XIRP2: variants seen among roughly 807,000 people sequenced by gnomAD.
XIRP2 encodes xin actin binding repeat containing 2.
A neutral mutation model predicts 277.0 loss-of-function variants in XIRP2; 236 were observed. The observed-to-expected ratio is 0.85, with a 90% CI of 0.77 to 0.95. The LOEUF is 0.95. Among genes scored for constraint, XIRP2 ranks in the 40% least tolerant of loss-of-function variants. The probability of loss-of-function intolerance (pLI) is 0.00; values close to 1 mark genes in which losing one functional copy is unlikely to be tolerated. For missense variants in XIRP2, 4,640 were observed against 4,157.5 expected (o/e 1.12, Z -3.19); for synonymous variants, 1,490 against 1,416.5 (o/e 1.05, Z -1.17).
intron 2 of XIRP2, among the ~76,000 whole-genome samples, chr2:166,925,730 G>A (rs1479110593): frequency 6.6e-6 from 1 of 150,706 alleles, no homozygotes; most frequent in Non-Finnish European, 1.5e-5. Context: ...AGGGTGATAG[G>A]CACAGGGGCA....
chr2:166,940,352 C>CT (rs1421368727), intron 2 of XIRP2, among the ~76,000 whole-genome samples: 3 of 152,252 alleles, frequency 2.0e-5, no homozygotes, highest in South Asian at 4.2e-4. Flanking sequence ...TTCATCTAAT[C>CT]TTTTTTCAAG....
chr2:167,102,148 G>A (rs1300913474), intron 2 of XIRP2, among the ~76,000 whole-genome samples: 3 of 152,198 alleles, frequency 2.0e-5, no homozygotes, highest in African/African-American at 7.2e-5. Flanking sequence ...TTGAAGATTG[G>A]TGATGGCTGC....
chr2:167,125,267 T>C (rs935031746), intron 2 of XIRP2, among the ~76,000 whole-genome samples: 10 of 152,164 alleles, frequency 6.6e-5, no homozygotes, highest in African/African-American at 2.4e-4. Flanking sequence ...GTACCTGCCA[T>C]GTAAAAGGCA....
At position 166,910,415 on chromosome 2, in the gene XIRP2, A is replaced by G. The variant is rs189137879; in HGVS notation, c.408+6525A>G. On this transcript the variant is annotated intron_variant, in intron 2 of 10. Transcript: ENST00000409195. ...TTATTTGCATAGAGGTGTTTATAGTATTCTCTGATGGTATTTTGTATTTCT... is the reference window on the plus strand; with the variant it reads ...TTATTTGCATAGAGGTGTTTATAGTGTTCTCTGATGGTATTTTGTATTTCT... Among the ~76,000 whole-genome samples, 736 of 152,248 alleles carry G rather than the reference A, an allele frequency of 4.8e-3. 4 individuals carry two copies. The highest frequency in any genetic ancestry group is 0.017 in the African/African-American group (687 of 41,546).
intron 5 of XIRP2, among the ~76,000 whole-genome samples, chr2:167,230,660 C>T (rs1694722956): frequency 6.6e-6 from 1 of 151,986 alleles, no homozygotes; most frequent in Non-Finnish European, 1.5e-5. Flanking sequence ...AGCATTCTTC[C>T]CTAAACCACT....
At chr2:167,065,278 T>C (rs1272101200) in intron 2 of XIRP2, among the ~76,000 whole-genome samples, 1 of 151,942 alleles carries the variant, frequency 6.6e-6, no homozygotes, top group Non-Finnish European at 1.5e-5. Context: ...TTTTCCATGG[T>C]TCATTGGCCA....
At chr2:167,252,910 GGC>G (rs1361309167) in intron 9 of XIRP2, among the ~76,000 whole-genome samples, 2 of 151,850 alleles carry the variant, frequency 1.3e-5, no homozygotes, top group Admixed American at 1.3e-4. Flanking sequence ...GCTTGCTTCT[GGC>G]ATAATTAAGC....
chr2:167,191,133 C>T (rs1693317722), intron 3 of XIRP2, among the ~76,000 whole-genome samples: 1 of 149,424 alleles, frequency 6.7e-6, no homozygotes, highest in Non-Finnish European at 1.5e-5. Flanking sequence ...CTGCGATAAA[C>T]CATGATCGTG....
intron 5 of XIRP2, among the ~76,000 whole-genome samples, chr2:167,238,343 C>T (rs1232987843): frequency 1.3e-5 from 2 of 152,012 alleles, no homozygotes; most frequent in Non-Finnish European, 2.9e-5. Context: ...TACATTTAAA[C>T]GTGTAAGTCC....
At chr2:167,130,019 T>C (rs1293948286) in intron 2 of XIRP2, among the ~76,000 whole-genome samples, 1 of 152,168 alleles carries the variant, frequency 6.6e-6, no homozygotes. Context: ...TATTTACATA[T>C]TATTTAAGCG....
At chr2:167,107,543 A>G (rs556960856) in intron 2 of XIRP2, among the ~76,000 whole-genome samples, 2 of 151,812 alleles carry the variant, frequency 1.3e-5, no homozygotes, top group South Asian at 4.1e-4. Flanking sequence ...CTTCTCTATA[A>G]TAAGTCTTAA....
In XIRP2 at chr2:167,247,866, C is replaced by T. The variant is rs374073410; in HGVS notation, c.6474C>T (p.Ser2158=). 198 of 1,613,558 alleles carry T rather than the reference C, an allele frequency of 1.2e-4. No individual in the cohort carries two copies. The highest frequency in any genetic ancestry group is 1.6e-4 in the Non-Finnish European group (183 of 1,179,750). The change falls in exon 9 of 11, where the codon AGC becomes AGT. Residue 2158 remains serine, a synonymous_variant. Transcript: ENST00000409195. ...KNIKILTDTQ[S]SKPSPTQHPV... ...TTAAAATATTAACTGATACACAAAG[C>T]TCCAAGCCCAGTCCCACCCAGCATC...
At chr2:167,232,229 A>T (rs1294961931) in intron 5 of XIRP2, among the ~76,000 whole-genome samples, 1 of 152,004 alleles carries the variant, frequency 6.6e-6, no homozygotes, top group African/African-American at 2.4e-5. Flanking sequence ...AGATTAAATC[A>T]TTATAAACTG....
chr2:167,011,283 G>C (rs7580770), intron 2 of XIRP2, among the ~76,000 whole-genome samples: 34 of 150,512 alleles, frequency 2.3e-4, no homozygotes, highest in Admixed American at 1.5e-3. Flanking sequence ...TAGCATGAAG[G>C]GTTGTTGAAT....
At chr2:167,007,681 T>A (rs891325147) in intron 2 of XIRP2, among the ~76,000 whole-genome samples, 4 of 103,566 alleles carry the variant, frequency 3.9e-5, no homozygotes, top group South Asian at 6.2e-4. Context: ...ACATGTACAC[T>A]CTCTCTCTCT....
Position 167,259,520 on chromosome 2 carries a change from C to T in XIRP2, c.*1703C>T, listed in dbSNP as rs914268844. The T allele has an allele frequency of 2.1e-5, 14 of 661,380 alleles. No homozygotes were observed. Among genetic ancestry groups the T allele is most frequent in the Non-Finnish European group, 3.3e-5 (14 of 421,002 alleles). The allele number at this position is 661,380 out of a possible 1,614,324, so 41.0% of individuals were successfully genotyped here. On this transcript the variant is annotated 3_prime_UTR_variant, in exon 11 of 11. Coordinates refer to ENST00000409195, the MANE Select transcript of XIRP2 (RefSeq NM_152381.6). Reference sequence around the variant, plus strand: ...TCTCAATGGGATATTTCTTGTATTACACCTTGTCATTTTTTTCACAATTTA... The same window carrying T: ...TCTCAATGGGATATTTCTTGTATTATACCTTGTCATTTTTTTCACAATTTA...
chr2:166,919,892 T>G (rs543096909), intron 2 of XIRP2, among the ~76,000 whole-genome samples: 25 of 152,222 alleles, frequency 1.6e-4, no homozygotes, highest in Admixed American at 1.4e-3. Flanking sequence ...AAAGATAAAA[T>G]CAAGAGGTTG....
At chr2:167,197,165 G>A (rs1693544678) in intron 3 of XIRP2, among the ~76,000 whole-genome samples, 1 of 152,180 alleles carries the variant, frequency 6.6e-6, no homozygotes, top group Non-Finnish European at 1.5e-5. Flanking sequence ...CTTTGTGGGA[G>A]AGTCACAGGT....
chr2:167,195,708 A>G (rs1026544130), intron 3 of XIRP2, among the ~76,000 whole-genome samples: 3 of 152,230 alleles, frequency 2.0e-5, no homozygotes, highest in African/African-American at 7.2e-5. Context: ...AGCCAGTGAA[A>G]TGGCGCAATG....
Sources: allele counts gnomAD v4.1 joint callset (sites outside exome capture counted in the v4.1 genomes callset), GRCh38; gene constraint gnomAD v4.1.1; transcripts MANE v1.5; gene names NCBI Gene and HGNC (gene_info 2026-07-23, HGNC 2026-07-21).